Variants in TJP1 observed in about 807,000 individuals in gnomAD.
The protein encoded by TJP1 is tight junction protein ZO-1.
TJP1 carries 43 observed loss-of-function variants against 194.2 expected under a neutral mutation model. The ratio of observed to expected loss-of-function variants is 0.22; its 90% confidence interval spans 0.17 to 0.29. The LOEUF (loss-of-function observed/expected upper bound fraction) is 0.29, where lower values mean the gene tolerates loss of function less well. Among genes scored for constraint, TJP1 ranks in the 10% least tolerant of loss-of-function variants. The pLI, the probability that TJP1 is intolerant of heterozygous loss-of-function variation, is 1.00. For missense variants in TJP1, 1,971 were observed against 2,185.7 expected (o/e 0.90, Z 1.96); for synonymous variants, 801 against 779.0 (o/e 1.03, Z -0.47).
chr15:29,949,755 T>TCAC, intron 2 of TJP1, among the ~76,000 whole-genome samples: 1 of 14,940 alleles, frequency 6.7e-5, no homozygotes, highest in African/African-American at 2.4e-4. Context: ...ACCTCCACTT[T>TCAC]CACCACCACT....
At chr15:29,921,847 C>CTCTT (rs2054371372) in intron 2 of TJP1, among the ~76,000 whole-genome samples, 1 of 147,208 alleles carries the variant, frequency 6.8e-6, no homozygotes, top group Non-Finnish European at 1.5e-5. Flanking sequence ...TTCTTTCTTT[C>CTCTT]TTTTTTTTTT....
chr15:29,765,051 A>C (rs2046248459), intron 5 of TJP1, among the ~76,000 whole-genome samples: 2 of 152,220 alleles, frequency 1.3e-5, no homozygotes. Flanking sequence ...AAAGATACAG[A>C]AAGGTGGGGG....
chr15:29,709,341 TACTC>T (rs1278947471), intron 24 of TJP1, among the ~76,000 whole-genome samples: 2 of 152,258 alleles, frequency 1.3e-5, no homozygotes, highest in South Asian at 4.2e-4. Context: ...ATAATAAGGA[TACTC>T]ACTATTAATT....
chr15:29,816,858 T>G (rs1351182596), intron 1 of TJP1, among the ~76,000 whole-genome samples: 1 of 152,086 alleles, frequency 6.6e-6, no homozygotes, highest in Non-Finnish European at 1.5e-5. Context: ...ATAAAAACCC[T>G]AAAAGAAAAC....
chr15:29,921,733 C>T (rs2948555), intron 2 of TJP1, among the ~76,000 whole-genome samples: 28,970 of 152,106 alleles, frequency 0.19, 2,875 homozygotes, highest in East Asian at 0.35. Context: ...GTATTTTAAA[C>T]ATAATCAAAA....
chr15:29,844,093 G>A (rs2051324211), intron 2 of TJP1, among the ~76,000 whole-genome samples: 2 of 152,166 alleles, frequency 1.3e-5, no homozygotes, highest in Non-Finnish European at 2.9e-5. Context: ...CGCCCAGGCT[G>A]GAGCCTTGAG....
chr15:29,949,442 T>A (rs1425240670), intron 2 of TJP1, among the ~76,000 whole-genome samples: 106 of 102,826 alleles, frequency 1.0e-3, no homozygotes, highest in Middle Eastern at 8.5e-3. Flanking sequence ...CACCTCCACC[T>A]CCACCTTCAC....
intron 1 of TJP1, chr15:29,820,778 A>G: frequency 1.8e-6 from 1 of 563,534 alleles, no homozygotes; most frequent in South Asian, 2.4e-5. Flanking sequence ...TTTTACCTTT[A>G]GATTGTTCTT....
intron 11 of TJP1, among the ~76,000 whole-genome samples, chr15:29,735,702 T>C (rs1447512915): frequency 6.6e-6 from 1 of 152,090 alleles, no homozygotes; most frequent in Admixed American, 6.6e-5. Context: ...CTTGGTATAG[T>C]GAACGTTATT....
intron 8 of TJP1, among the ~76,000 whole-genome samples, chr15:29,745,705 A>T (rs1410997611): frequency 6.6e-6 from 1 of 152,230 alleles, no homozygotes; most frequent in African/African-American, 2.4e-5. Flanking sequence ...ACATGAAATC[A>T]GGTACGAAGG....
At chr15:29,720,178 T>G in intron 19 of TJP1, 162 bp from the exon 20 acceptor site, 2 of 1,143,134 alleles carry the variant, frequency 1.7e-6, no homozygotes, top group Non-Finnish European at 2.4e-6. Flanking sequence ...ATCCAGTACA[T>G]TGCTGTGTTA....
In TJP1 at chr15:29,740,300, T is replaced by G. The variant is rs1276276002; in HGVS notation, c.1256+1031A>C. ...CGGAATTCTGTCAATTTTCAATTAT[T>G]CACATCATGTCCCCTTTACCAGTGC... is the stretch of plus-strand genomic sequence containing the variant. On this transcript the variant is annotated intron_variant, in intron 10 of 27. Transcript: ENST00000614355. Among the ~76,000 whole-genome samples, 4 of 152,134 alleles carry G rather than the reference T, an allele frequency of 2.6e-5. No homozygotes were observed. In the East Asian group the frequency reaches 7.7e-4, roughly 29 times the overall value.
At chr15:29,807,678 A>G (rs2049201045) in intron 1 of TJP1, among the ~76,000 whole-genome samples, 1 of 152,160 alleles carries the variant, frequency 6.6e-6, no homozygotes, top group Non-Finnish European at 1.5e-5. Flanking sequence ...TCAAAAACAG[A>G]ATAAAGACAG....
At chr15:29,859,050 GGATT>G (rs2051971737) in intron 2 of TJP1, among the ~76,000 whole-genome samples, 1 of 152,004 alleles carries the variant, frequency 6.6e-6, no homozygotes, top group African/African-American at 2.4e-5. Flanking sequence ...CAATAACTGA[GGATT>G]GATTGTGGAC....
chr15:29,721,774 G>A (rs1161531487), intron 18 of TJP1, among the ~76,000 whole-genome samples: 1 of 152,224 alleles, frequency 6.6e-6, no homozygotes, highest in African/African-American at 2.4e-5. Flanking sequence ...GGACAATAAA[G>A]TCCAGGCTGT....
intron 8 of TJP1, among the ~76,000 whole-genome samples, chr15:29,745,858 G>C (rs1268239662): frequency 2.0e-5 from 3 of 152,126 alleles, no homozygotes; most frequent in African/African-American, 7.2e-5. Flanking sequence ...TTCAAATCCT[G>C]ATCTCTTAAT....
At chr15:29,821,854 G>A (rs1232447153) in intron 1 of TJP1, 148 bp downstream of exon 1, 9 of 801,946 alleles carry the variant, frequency 1.1e-5, no homozygotes, top group Non-Finnish European at 1.4e-5. Flanking sequence ...GCGGCCCGCG[G>A]CCCGCGGCCC....
At position 29,822,281 on chromosome 15, in the gene TJP1, C is replaced by G; in HGVS notation, c.-253G>C. ...ACCTCCCTCCGAGCGCGGCCACCCA[C>G]TCGGCCTCCCGCAGCTTTCGCAGCC... is the stretch of plus-strand genomic sequence containing the variant. On this transcript the variant is annotated 5_prime_UTR_variant, in exon 1 of 28. Transcript: ENST00000614355. 8.7e-7 allele frequency: 1 copy of G among 1,146,388 alleles called. No individual in the cohort carries two copies. The highest frequency in any genetic ancestry group is 1.1e-6 in the Non-Finnish European group (1 of 932,826). The allele number at this position is 1,146,388 out of a possible 1,614,324, so 71.0% of individuals were successfully genotyped here. A position where few individuals can be genotyped will look rare whatever the true frequency, so the allele number is the denominator to read the frequency against.
intron 1 of TJP1, among the ~76,000 whole-genome samples, chr15:29,803,755 C>T (rs902689960): frequency 2.6e-5 from 4 of 152,024 alleles, no homozygotes; most frequent in African/African-American, 9.7e-5. Context: ...TTGCTTTGTA[C>T]AAGGGAGAAG....
Sources: gnomAD v4.1 joint callset for allele counts (sites outside exome capture counted in the v4.1 genomes callset) on GRCh38, gnomAD v4.1.1 for gene constraint, MANE v1.5 for transcripts, NCBI Gene and HGNC (gene_info 2026-07-23, HGNC 2026-07-21) for gene names.